ST6GALNAC3: variants seen among roughly 807,000 people sequenced by gnomAD.
The protein encoded by ST6GALNAC3 is alpha-N-acetylgalactosaminide alpha-2,6-sialyltransferase 3.
In ST6GALNAC3, 25 loss-of-function variants were observed where a neutral mutation model predicts 32.7. The ratio of observed to expected loss-of-function variants is 0.76; its 90% CI spans 0.56 to 1.07. The LOEUF (loss-of-function observed/expected upper bound fraction) is 1.07, where lower values mean the gene tolerates loss of function less well. Ranked by LOEUF, ST6GALNAC3 falls within the 50% of genes least tolerant of loss-of-function variation. The probability of loss-of-function intolerance (pLI) is 0.00; values close to 1 mark genes in which losing one functional copy is unlikely to be tolerated. For missense variants in ST6GALNAC3, 355 were observed against 382.4 expected (o/e 0.93, Z 0.60); for synonymous variants, 129 against 133.1 (o/e 0.97, Z 0.21).
chr1:76,369,262 C>A (rs986963985), intron 2 of ST6GALNAC3, among the ~76,000 whole-genome samples: 3 of 152,080 alleles, frequency 2.0e-5, no homozygotes, highest in Non-Finnish European at 4.4e-5. Flanking sequence ...AAGGAGGCTG[C>A]TCATTAATTT....
chr1:76,409,926 G>A lies in ST6GALNAC3; in HGVS notation c.214-2082G>A, dbSNP rs1365289438. Among the ~76,000 whole-genome samples the A allele has an allele frequency of 2.6e-5, 4 of 152,214 alleles. No individual in the cohort carries two copies. The South Asian group carries it at 6.2e-4, about 24-fold the overall frequency. ...CAGTTTGAGTAGTTTCAATTCAATA[G>A]GCTGTACCTTCAGAATATTTCCAGA... is the stretch of plus-strand genomic sequence containing the variant. On this transcript the variant is annotated intron_variant, in intron 2 of 4. Transcript: ENST00000328299.
chr1:76,416,068 CACACACAT>C (rs1206516962), intron 3 of ST6GALNAC3, among the ~76,000 whole-genome samples: 6 of 150,376 alleles, frequency 4.0e-5, no homozygotes, highest in Non-Finnish European at 5.9e-5. Context: ...CACACACACA[CACACACAT>C]AATCTTAGAA....
At chr1:76,366,472 G>A (rs1395531089) in intron 2 of ST6GALNAC3, among the ~76,000 whole-genome samples, 1 of 152,124 alleles carries the variant, frequency 6.6e-6, no homozygotes, top group African/African-American at 2.4e-5. Context: ...ACAAGAATAA[G>A]AATAAATATA....
chr1:76,577,051 A>G (rs2100530859), intron 3 of ST6GALNAC3: 2 of 1,149,628 alleles, frequency 1.7e-6, no homozygotes, highest in South Asian at 2.0e-5. Flanking sequence ...TTCCCTTTGT[A>G]GACTTGCTGC....
chr1:76,629,745 G>A lies in ST6GALNAC3; in HGVS notation c.*939G>A. 1 of 979,834 alleles carries A rather than the reference G, an allele frequency of 1.0e-6. No homozygotes were observed. The highest frequency in any genetic ancestry group is 1.2e-6 in the Non-Finnish European group (1 of 824,664). The allele number at this position is 979,834 out of a possible 1,614,324, so 60.7% of individuals were successfully genotyped here. A position where few individuals can be genotyped will look rare whatever the true frequency, so the allele number is the denominator to read the frequency against. On this transcript the variant is annotated 3_prime_UTR_variant, in exon 5 of 5. Coordinates refer to ENST00000328299, the MANE Select transcript of ST6GALNAC3 (RefSeq NM_152996.4). ...TTTTTAAAATCATGAAATAGAGACA[G>A]CAAAGCATATTTTTACATCAATTTG...
intron 4 of ST6GALNAC3, among the ~76,000 whole-genome samples, chr1:76,628,148 C>T (rs984569466): frequency 1.3e-5 from 2 of 151,984 alleles, no homozygotes; most frequent in East Asian, 1.9e-4. Context: ...GAATCTATTT[C>T]CCTACCAACA....
intron 1 of ST6GALNAC3, among the ~76,000 whole-genome samples, chr1:76,265,328 T>A (rs1004887707): frequency 3.3e-5 from 5 of 152,164 alleles, no homozygotes; most frequent in Non-Finnish European, 7.4e-5. Context: ...TGGTACAAGG[T>A]CATGCCCTAA....
intron 1 of ST6GALNAC3, among the ~76,000 whole-genome samples, chr1:76,088,631 A>T (rs1338450379): frequency 6.6e-6 from 1 of 152,150 alleles, no homozygotes; most frequent in Non-Finnish European, 1.5e-5. Flanking sequence ...CTCTCTAGAT[A>T]AGGCCACAGA....
intron 3 of ST6GALNAC3, among the ~76,000 whole-genome samples, chr1:76,429,147 T>A (rs548366669): frequency 7.2e-5 from 11 of 152,266 alleles, no homozygotes; most frequent in African/African-American, 2.6e-4. Flanking sequence ...CTCATCTGTG[T>A]TTTGTTTTTA....
At chr1:76,144,917 T>C (rs1007453798) in intron 1 of ST6GALNAC3, among the ~76,000 whole-genome samples, 6 of 152,244 alleles carry the variant, frequency 3.9e-5, no homozygotes, top group Middle Eastern at 3.2e-3. Flanking sequence ...CACTCTGTTA[T>C]GAGTTGAGTG....
In ST6GALNAC3 at chr1:76,364,181, T is replaced by G. The variant is rs186802418; in HGVS notation, c.214-47827T>G. ...CAGATTGGTGAATAGGCAATGGAAGTGAATGACTCTTTATCTCCTGAAGGA... is the reference window on the plus strand; with the variant it reads ...CAGATTGGTGAATAGGCAATGGAAGGGAATGACTCTTTATCTCCTGAAGGA... On this transcript the variant is annotated intron_variant, in intron 2 of 4. Coordinates refer to ENST00000328299, the MANE Select transcript of ST6GALNAC3 (RefSeq NM_152996.4). 2.0e-5 allele frequency among the ~76,000 whole-genome samples: 3 copies of G among 152,324 alleles called. No homozygotes were observed. In the East Asian group the frequency reaches 5.8e-4, roughly 29 times the overall value.
chr1:76,300,802 A>T (rs1410659006), intron 1 of ST6GALNAC3, among the ~76,000 whole-genome samples: 1 of 151,976 alleles, frequency 6.6e-6, no homozygotes, highest in Non-Finnish European at 1.5e-5. Context: ...TTGCTACAGG[A>T]TGTGAAGTGT....
At chr1:76,620,103 C>T (rs1408272703) in intron 3 of ST6GALNAC3, among the ~76,000 whole-genome samples, 1 of 152,014 alleles carries the variant, frequency 6.6e-6, no homozygotes, top group Non-Finnish European at 1.5e-5. Flanking sequence ...TTTTCCAGTG[C>T]CCAGCAACAT....
chr1:76,232,821 G>C (rs938285335), intron 1 of ST6GALNAC3, among the ~76,000 whole-genome samples: 2 of 152,234 alleles, frequency 1.3e-5, no homozygotes, highest in African/African-American at 4.8e-5. Flanking sequence ...GTTTGCAGGA[G>C]CCGGTCAAGT....
chr1:76,429,963 T>C (rs1571204604), intron 3 of ST6GALNAC3, among the ~76,000 whole-genome samples: 2 of 152,310 alleles, frequency 1.3e-5, no homozygotes, highest in South Asian at 4.1e-4. Flanking sequence ...AAGTCAACCA[T>C]CACTGCTACG....
At chr1:76,077,875 C>T (rs1351553689) in intron 1 of ST6GALNAC3, among the ~76,000 whole-genome samples, 2 of 152,144 alleles carry the variant, frequency 1.3e-5, no homozygotes, top group African/African-American at 4.8e-5. Context: ...TGTTCTGATT[C>T]CTTTTACATC....
intron 1 of ST6GALNAC3, among the ~76,000 whole-genome samples, chr1:76,235,153 A>T (rs772141086): frequency 1.3e-5 from 2 of 152,172 alleles, no homozygotes; most frequent in African/African-American, 4.8e-5. Context: ...TCAAAAAGGA[A>T]AAAAGGATTA....
At chr1:76,398,564 T>G (rs955142595) in intron 2 of ST6GALNAC3, among the ~76,000 whole-genome samples, 2 of 152,182 alleles carry the variant, frequency 1.3e-5, no homozygotes, top group African/African-American at 2.4e-5. Flanking sequence ...ATAATGTTTT[T>G]TATATTTACT....
At chr1:76,135,621 C>A (rs289700) in intron 1 of ST6GALNAC3, among the ~76,000 whole-genome samples, 28,794 of 152,082 alleles carry the variant, frequency 0.19, 2,906 homozygotes, top group African/African-American at 0.25. Flanking sequence ...ATGCATTTTA[C>A]TGGCTACCAA....
Sources: allele counts gnomAD v4.1 joint callset (sites outside exome capture counted in the v4.1 genomes callset), GRCh38; gene constraint gnomAD v4.1.1; transcripts MANE v1.5; gene names NCBI Gene and HGNC (gene_info 2026-07-23, HGNC 2026-07-21).